OTUD5: variants seen among roughly 807,000 people sequenced by gnomAD.
OTUD5 encodes OTU deubiquitinase 5, also known as OTU domain-containing protein 5.
In OTUD5, 2 loss-of-function variants were observed where a neutral mutation model predicts 36.3. The ratio of observed to expected loss-of-function variants is 0.06; its 90% CI spans 0.02 to 0.17. OTUD5 has a LOEUF of 0.17. Among genes scored for constraint, OTUD5 ranks in the 10% least tolerant of loss-of-function variants. The pLI, the probability that OTUD5 is intolerant of heterozygous loss-of-function variation, is 1.00. For synonymous variants in OTUD5, 234 were observed against 214.9 expected (o/e 1.09, Z -0.78); for missense variants, 233 against 512.3 (o/e 0.45, Z 5.26).
chrX:48,922,928 G>A lies in OTUD5; in HGVS notation c.*246C>T. On this transcript the variant is annotated 3_prime_UTR_variant, in exon 9 of 9. Transcript: ENST00000376488. ...CGAGTCCCCTGTGGAATGCAGGGATGGTTCTGTGCGGGATGGGGTGGGGGG... is the reference window on the plus strand; with the variant it reads ...CGAGTCCCCTGTGGAATGCAGGGATAGTTCTGTGCGGGATGGGGTGGGGGG... 2.0e-6 allele frequency: 2 copies of A among 1,019,740 alleles called. No individual in the cohort carries two copies. Among genetic ancestry groups the A allele is most frequent in the Non-Finnish European group, 2.5e-6 (2 of 799,739 alleles). The allele number at this position is 1,019,740 out of a possible 1,213,427, so 84.0% of individuals were successfully genotyped here.
rs2063603046 is a variant in OTUD5 at position 48,922,890 on chromosome X, C to T, written c.*284G>A. On this transcript the variant is annotated 3_prime_UTR_variant, in exon 9 of 9. Transcript: ENST00000376488. The stretch of plus-strand genomic sequence containing the variant: ...TCTCTGTGTGCCTCTTGTCTATCTT[C>T]GGCACCCTTGCCCGAGTCCCCTGTG... 3.2e-6 allele frequency: 3 copies of T among 940,765 alleles called. No individual in the cohort carries two copies. The highest frequency in any genetic ancestry group is 4.0e-6 in the Non-Finnish European group (3 of 753,040). The allele number at this position is 940,765 out of a possible 1,213,427, so 77.5% of individuals were successfully genotyped here.
chrX:48,950,688 C>T (rs1340272147), intron 1 of OTUD5, among the ~76,000 whole-genome samples: 4 of 108,161 alleles, frequency 3.7e-5, no homozygotes, highest in Non-Finnish European at 7.7e-5. Flanking sequence ...CTCAGCCTCC[C>T]GAGTAGCTGG....
At chrX:48,923,610 C>G (rs1557046880) in intron 8 of OTUD5, 23 bp downstream of exon 8, 1 of 1,079,524 alleles carries the variant, frequency 9.3e-7, no homozygotes, top group South Asian at 1.9e-5. Context: ...CAGCCTCCAT[C>G]CCCCCAGACA....
rs2063606005 is a variant in OTUD5 at position 48,923,057 on chromosome X, G to C, written c.*117C>G. The C allele has an allele frequency of 8.5e-7, 1 of 1,174,051 alleles. No homozygotes were observed. The highest frequency in any genetic ancestry group is 1.1e-6 in the Non-Finnish European group (1 of 875,225). On this transcript the variant is annotated 3_prime_UTR_variant, in exon 9 of 9. Transcript: ENST00000376488. ...AGAGGGAAGTGAGGAGGAGGGAAAA[G>C]AGGGGAGAGCAGAAAGAACAGAAGG... is the stretch of plus-strand genomic sequence containing the variant.
intron 1 of OTUD5, 49 bp downstream of exon 1, chrX:48,956,927 TG>T: frequency 9.2e-7 from 1 of 1,084,095 alleles, no homozygotes. Context: ...CTTCACAGTC[TG>T]GGGGTCCCAT....
intron 1 of OTUD5, among the ~76,000 whole-genome samples, chrX:48,949,296 C>A (rs1219082272): frequency 8.9e-6 from 1 of 112,139 alleles, no homozygotes; most frequent in Non-Finnish European, 1.9e-5. Context: ...GCCTGCAATC[C>A]CAGCACTTTG....
At chrX:48,955,647 C>A (rs1557055015) in intron 1 of OTUD5, among the ~76,000 whole-genome samples, 1 of 111,053 alleles carries the variant, frequency 9.0e-6, no homozygotes, top group African/African-American at 3.3e-5. Context: ...TTGCCCATGT[C>A]CCCTGAGTAG....
chrX:48,934,184 G>A (rs1557049396), intron 5 of OTUD5, among the ~76,000 whole-genome samples: 2 of 111,561 alleles, frequency 1.8e-5, no homozygotes, highest in Non-Finnish European at 1.9e-5. Context: ...AGCAAGCCCT[G>A]GCTCACTGCT....
chrX:48,952,859 G>A (rs1557054235), intron 1 of OTUD5, among the ~76,000 whole-genome samples: 1 of 112,207 alleles, frequency 8.9e-6, no homozygotes, highest in African/African-American at 3.2e-5. Flanking sequence ...AAATCAGCAG[G>A]TTCCTAGATG....
In OTUD5 at chrX:48,957,563, A is replaced by T; in HGVS notation, c.8T>A (p.Ile3Lys). The T allele has an allele frequency of 1.2e-6, 1 of 805,586 alleles. No individual in the cohort carries two copies. 66.4% of individuals were successfully genotyped at this position (805,586 alleles called of 1,213,427 possible). MT[I>K]LPKKKPPPPD... is the part of the protein sequence containing the mutation. ...AGGCGGCGGCTTCTTTTTGGGGAGT[A>T]TAGTCATGGCTGCACTGCCGAGTAC... The change falls in exon 1 of 9, where the codon ATA becomes AAA. Residue 3 changes from isoleucine to lysine, a missense_variant. Transcript: ENST00000376488.
intron 2 of OTUD5, among the ~76,000 whole-genome samples, chrX:48,935,856 T>C (rs1557049839): frequency 3.9e-5 from 4 of 103,492 alleles, no homozygotes; most frequent in Non-Finnish European, 2.0e-5. Context: ...GGAGAATCGC[T>C]TGAACCCAGG....
chrX:48,949,489 C>T (rs1239416805), intron 1 of OTUD5, among the ~76,000 whole-genome samples: 9 of 110,463 alleles, frequency 8.1e-5, no homozygotes. Flanking sequence ...ACCAGCCTGG[C>T]CAACATGGTG....
upstream of OTUD5, chrX:48,957,755 C>T (rs781936399): frequency 2.5e-6 from 2 of 790,635 alleles, no homozygotes; most frequent in East Asian, 2.4e-4. Flanking sequence ...GCGGCGGTGG[C>T]GGCGCGCGGG....
chrX:48,935,938 C>CA (rs3030315), intron 2 of OTUD5, among the ~76,000 whole-genome samples: 53 of 37,063 alleles, frequency 1.4e-3, no homozygotes, highest in African/African-American at 4.3e-3. Context: ...GACTCTGTCT[C>CA]AAAAAAAAAA....
chrX:48,939,156 T>A (rs782793099), intron 2 of OTUD5, among the ~76,000 whole-genome samples: 31 of 109,793 alleles, frequency 2.8e-4, no homozygotes, highest in Admixed American at 2.0e-3. Context: ...TTAGGGGGAG[T>A]GAAGGGGAGG....
At chrX:48,943,529 C>G (rs782497325) in intron 2 of OTUD5, among the ~76,000 whole-genome samples, 2 of 110,851 alleles carry the variant, frequency 1.8e-5, no homozygotes, top group Admixed American at 1.9e-4. Context: ...AGGCTGGCCA[C>G]GTATTGACTA....
chrX:48,954,645 T>C (rs1022779707), intron 1 of OTUD5, among the ~76,000 whole-genome samples: 1 of 111,684 alleles, frequency 9.0e-6, no homozygotes, highest in Non-Finnish European at 1.9e-5. Flanking sequence ...CAGAAAGATT[T>C]ACCTGAGCCA....
intron 1 of OTUD5, among the ~76,000 whole-genome samples, chrX:48,954,198 T>C (rs1569516951): frequency 9.0e-6 from 1 of 110,683 alleles, no homozygotes; most frequent in African/African-American, 3.3e-5. Flanking sequence ...AGGGCTCAAG[T>C]GATCCTCCCG....
intron 2 of OTUD5, among the ~76,000 whole-genome samples, chrX:48,936,705 T>G (rs187733339): frequency 1.8e-5 from 2 of 111,836 alleles, no homozygotes; most frequent in East Asian, 5.6e-4. Flanking sequence ...CCCGATACAG[T>G]AAAGGAAATC....
Sources: allele counts gnomAD v4.1 joint callset (sites outside exome capture counted in the v4.1 genomes callset), GRCh38; gene constraint gnomAD v4.1.1; transcripts MANE v1.5; gene names NCBI Gene and HGNC (gene_info 2026-07-23, HGNC 2026-07-21).